The following CRLF3 variants were observed in gnomAD, a reference collection of about 807,000 sequenced individuals.
The protein encoded by CRLF3 is cytokine receptor like factor 3.
A neutral mutation model predicts 55.0 loss-of-function variants in CRLF3; 33 were observed. The observed-to-expected ratio is 0.60, with a 90% CI of 0.46 to 0.80. The LOEUF is 0.80. Ranked by LOEUF, CRLF3 falls within the 30% of genes least tolerant of loss-of-function variation. The probability of loss-of-function intolerance (pLI) is 0.00; values close to 1 mark genes in which losing one functional copy is unlikely to be tolerated. For missense variants in CRLF3, 494 were observed against 538.4 expected (o/e 0.92, Z 0.82); for synonymous variants, 238 against 196.8 (o/e 1.21, Z -1.75).
chr17:30,821,299 C>A lies in CRLF3; in HGVS notation c.129+3224G>T, dbSNP rs552767004. Among the ~76,000 whole-genome samples the A allele has an allele frequency of 1.3e-3, 192 of 150,240 alleles. 2 individuals are homozygous for A. Among genetic ancestry groups the A allele is most frequent in the South Asian group, 2.5e-3 (12 of 4,760 alleles). ...AGCTTGCAGTGAGCTGAGATTGTGC[C>A]ACTGCACTCCAGCCTGGGTGACAGA... On this transcript the variant is annotated intron_variant, in intron 1 of 7. Coordinates refer to ENST00000324238, the MANE Select transcript of CRLF3 (RefSeq NM_015986.4).
intron 7 of CRLF3, chr17:30,785,064 A>G (rs1245102597): frequency 6.9e-6 from 1 of 145,732 alleles, no homozygotes; most frequent in East Asian, 2.1e-4. Flanking sequence ...ACAAAATATT[A>G]TTAACATGTC....
intron 6 of CRLF3, chr17:30,787,582 GATGTGATTATTTATAGTCA>G (rs550185913): frequency 2.6e-5 from 4 of 152,104 alleles, no homozygotes; most frequent in Admixed American, 2.6e-4. Flanking sequence ...TCCAAAGACA[GATGTGATTATTTATAGTCA>G]ATGTGGCCTC....
At chr17:30,796,884 C>T (rs1420078575) in intron 3 of CRLF3, among the ~76,000 whole-genome samples, 1 of 151,768 alleles carries the variant, frequency 6.6e-6, no homozygotes, top group Non-Finnish European at 1.5e-5. Flanking sequence ...GCCACCATGC[C>T]CGGATAATTT....
At position 30,789,717 on chromosome 17, in the gene CRLF3, C is replaced by A. The variant is rs148082387; in HGVS notation, c.959+2723G>T. On this transcript the variant is annotated intron_variant, in intron 6 of 7. Coordinates refer to ENST00000324238, the MANE Select transcript of CRLF3 (RefSeq NM_015986.4). ...ACCATGAAAATCAAATGAGTTAATA[C>A]AAGTAAAATACTTAAGACAGTACAT... Among the ~76,000 whole-genome samples the A allele has an allele frequency of 8.8e-3, 1,335 of 152,194 alleles. 19 individuals are homozygous for A. Among genetic ancestry groups the A allele is most frequent in the African/African-American group, 0.03 (1,257 of 41,522 alleles).
Position 30,796,189 on chromosome 17 carries a change from G to C in CRLF3, c.574C>G (p.Pro192Ala). Residue 192 changes from proline to alanine, a missense_variant, in exon 4 of 8, where the codon CCT becomes GCT. By Grantham distance (27) the Pro-to-Ala change is conservative (BLOSUM62 -1). Coordinates refer to ENST00000324238, the MANE Select transcript of CRLF3 (RefSeq NM_015986.4). ...PVQIEELIEKPGGIIVRWCKV... is the reference protein window; with the variant it reads ...PVQIEELIEKAGGIIVRWCKV... ...CACCATCGTACAATGATGCCTCCAG[G>C]TTTCTCTATTAGTTCTTCTATCTGT... The C allele has an allele frequency of 6.2e-7, 1 of 1,613,110 alleles. No individual in the cohort carries two copies. Among genetic ancestry groups the C allele is most frequent in the South Asian group, 1.1e-5 (1 of 90,924 alleles).
At chr17:30,803,193 T>A (rs1368229233) in intron 2 of CRLF3, among the ~76,000 whole-genome samples, 1 of 151,584 alleles carries the variant, frequency 6.6e-6, no homozygotes, top group Non-Finnish European at 1.5e-5. Flanking sequence ...ATATATATAA[T>A]TTGATTGACT....
intron 1 of CRLF3, among the ~76,000 whole-genome samples, chr17:30,811,953 A>G (rs1904642173): frequency 6.6e-6 from 1 of 150,936 alleles, no homozygotes; most frequent in Non-Finnish European, 1.5e-5. Flanking sequence ...TACTAAAAAT[A>G]CAAAAAATTA....
chr17:30,807,668 G>C (rs34199123), intron 1 of CRLF3, among the ~76,000 whole-genome samples: 1 of 151,708 alleles, frequency 6.6e-6, no homozygotes, highest in East Asian at 1.9e-4. Context: ...GAGTAGCTGA[G>C]ATTACAGGCG....
intron 1 of CRLF3, among the ~76,000 whole-genome samples, chr17:30,810,728 A>C (rs1904587125): frequency 6.6e-6 from 1 of 152,222 alleles, no homozygotes; most frequent in Admixed American, 6.5e-5. Flanking sequence ...CCAAAAGCTT[A>C]GGGAGTATTT....
At chr17:30,820,724 G>A (rs1347852532) in intron 1 of CRLF3, among the ~76,000 whole-genome samples, 4 of 151,628 alleles carry the variant, frequency 2.6e-5, no homozygotes, top group East Asian at 1.9e-4. Context: ...CCCAAGAGGC[G>A]GAGGTTGCAG....
chr17:30,803,378 C>T lies in CRLF3; in HGVS notation c.337+523G>A, dbSNP rs16967056. On this transcript the variant is annotated intron_variant, in intron 2 of 7. Transcript: ENST00000324238. ...ACTGCACTTGCCATGCGATACCTAA[C>T]GGTATATCTGTCATCCTATATTACA... is the stretch of plus-strand genomic sequence containing the variant. Among the ~76,000 whole-genome samples, 1,334 of 152,212 alleles carry T rather than the reference C, an allele frequency of 8.8e-3. 19 individuals are homozygous for T. Among genetic ancestry groups the T allele is most frequent in the African/African-American group, 0.03 (1,256 of 41,536 alleles).
Position 30,786,040 on chromosome 17 carries a change from G to A in CRLF3, c.960-9C>T. 1 of 1,425,434 alleles carries A rather than the reference G, an allele frequency of 7.0e-7. No individual in the cohort carries two copies. Among genetic ancestry groups the A allele is most frequent in the Non-Finnish European group, 9.9e-7 (1 of 1,012,702 alleles). 88.3% of individuals were successfully genotyped at this position (1,425,434 alleles called of 1,614,324 possible). A position where few individuals can be genotyped will look rare whatever the true frequency, so the allele number is the denominator to read the frequency against. On this transcript the variant is annotated splice_polypyrimidine_tract_variant and intron_variant, in intron 6 of 7. Coordinates refer to ENST00000324238, the MANE Select transcript of CRLF3 (RefSeq NM_015986.4). ...GTCCCACAGTTTCAACTCTGTAAAT[G>A]AAGTAGAAAGGTCATTTCATACTTT...
chr17:30,810,345 A>G (rs1297027441), intron 1 of CRLF3, among the ~76,000 whole-genome samples: 3 of 152,046 alleles, frequency 2.0e-5, no homozygotes, highest in Non-Finnish European at 2.9e-5. Context: ...GGATCACAAG[A>G]TCAGGTGGTC....
chr17:30,818,604 C>T (rs55831776), intron 1 of CRLF3, among the ~76,000 whole-genome samples: 20,403 of 150,998 alleles, frequency 0.14, 1,476 homozygotes, highest in South Asian at 0.25. Context: ...CAGGCGCCCA[C>T]CACCACACCC....
Position 30,782,693 on chromosome 17 carries a change from T to G in CRLF3, c.*1494A>C, listed in dbSNP as rs1194400511. 1 of 152,164 alleles carries G rather than the reference T, an allele frequency of 6.6e-6. No individual in the cohort carries two copies. The highest frequency in any genetic ancestry group is 2.4e-5 in the African/African-American group (1 of 41,430). 9.4% of individuals were successfully genotyped at this position (152,164 alleles called of 1,614,324 possible). On this transcript the variant is annotated 3_prime_UTR_variant, in exon 8 of 8. Transcript: ENST00000324238. ...AAAAAAGTACACACACTGAACTTTT[T>G]TAGTTTTTTATTTTGATTCCTATGG...
intron 1 of CRLF3, among the ~76,000 whole-genome samples, chr17:30,824,140 A>T (rs1293198611): frequency 6.6e-6 from 1 of 151,394 alleles, no homozygotes; most frequent in Admixed American, 6.6e-5. Context: ...GGCTCTCTAA[A>T]ATCAATGCCT....
At chr17:30,806,000 G>A (rs1031914073) in intron 1 of CRLF3, among the ~76,000 whole-genome samples, 1 of 152,114 alleles carries the variant, frequency 6.6e-6, no homozygotes, top group Non-Finnish European at 1.5e-5. Context: ...TCTAGCTTGG[G>A]TGACAGAGTG....
intron 6 of CRLF3, among the ~76,000 whole-genome samples, chr17:30,788,276 C>T (rs946279024): frequency 2.2e-4 from 32 of 147,002 alleles, no homozygotes; most frequent in South Asian, 4.3e-4. Flanking sequence ...TGCAGTGAGC[C>T]GATTGTGCCA....
At chr17:30,788,437 C>A (rs957743478) in intron 6 of CRLF3, among the ~76,000 whole-genome samples, 1 of 151,510 alleles carries the variant, frequency 6.6e-6, no homozygotes, top group Non-Finnish European at 1.5e-5. Context: ...TGAGGGAGAC[C>A]TGGAAGGAGG....
Sources: allele counts gnomAD v4.1 joint callset (sites outside exome capture counted in the v4.1 genomes callset), GRCh38; gene constraint gnomAD v4.1.1; transcripts MANE v1.5; gene names NCBI Gene and HGNC (gene_info 2026-07-23, HGNC 2026-07-21).